The following MIS18A variants were observed in gnomAD, a reference collection of about 807,000 sequenced individuals.
MIS18A encodes the protein MIS18 kinetochore protein A.
Under a neutral mutation model 25.0 loss-of-function variants are expected in MIS18A, and 14 were observed. The observed-to-expected ratio is 0.56, with a 90% CI of 0.37 to 0.88. The LOEUF (loss-of-function observed/expected upper bound fraction) is 0.88, where lower values mean the gene tolerates loss of function less well. MIS18A is among the 40% of genes least tolerant of loss of function. The pLI, the probability that MIS18A is intolerant of heterozygous loss-of-function variation, is 0.00. For synonymous variants in MIS18A, 134 were observed against 118.6 expected, an observed-to-expected ratio of 1.13 and a Z score of -0.84; for missense variants, 292 against 290.8, an observed-to-expected ratio of 1.00 and a Z score of -0.03.
chr21:32,226,324 T>C, the MIS18A span, among the ~76,000 whole-genome samples: 1 of 152,110 alleles, frequency 6.6e-6, no homozygotes, highest in South Asian at 2.1e-4. Context: ...AAATGCATTT[T>C]TTAATGCTCA....
intron 3 of MIS18A, 97 bp downstream of exon 3, chr21:32,270,310 A>C: frequency 7.1e-7 from 1 of 1,404,006 alleles, no homozygotes; most frequent in Non-Finnish European, 9.6e-7. Context: ...ACTTGAAAAT[A>C]TATTTAACCA....
At chr21:32,158,353 CT>C in the MIS18A span, among the ~76,000 whole-genome samples, 1 of 151,868 alleles carries the variant, frequency 6.6e-6, no homozygotes, top group Non-Finnish European at 1.5e-5. Context: ...AATTTTTAAA[CT>C]TTTTGCATTG....
the MIS18A span, among the ~76,000 whole-genome samples, chr21:32,163,004 T>C: frequency 6.6e-6 from 1 of 152,200 alleles, no homozygotes; most frequent in Non-Finnish European, 1.5e-5. Context: ...CAGAGCCTCT[T>C]CTGTCATTTC....
In MIS18A at chr21:32,268,704, A is replaced by G. The variant is rs1438706826; in HGVS notation, c.*333T>C. ...AAACTCCTAAGTCCCAATTCCAACA[A>G]GTACCATAAAACGTCTTTAAAATGC... On this transcript the variant is annotated 3_prime_UTR_variant, in exon 5 of 5. Coordinates refer to ENST00000290130, the MANE Select transcript of MIS18A (RefSeq NM_018944.3). 1.1e-5 allele frequency: 2 copies of G among 177,904 alleles called. No homozygotes were observed. Among genetic ancestry groups the G allele is most frequent in the Non-Finnish European group, 2.3e-5 (2 of 85,336 alleles). 11.0% of individuals were successfully genotyped at this position (177,904 alleles called of 1,614,324 possible).
chr21:32,252,227 AAGAAGAAGAAGAAGGAGGAGGAGG>A, the MIS18A span, among the ~76,000 whole-genome samples: 1,417 of 106,990 alleles, frequency 0.013, 13 homozygotes, highest in South Asian at 0.018. Flanking sequence ...GAAGAAGAAG[AAGAAGAAGAAGAAGGAGGAGGAGG>A]AGGAGGAGGA....
the MIS18A span, among the ~76,000 whole-genome samples, chr21:32,252,236 AAGAAGG>A: frequency 4.2e-3 from 153 of 36,784 alleles, no homozygotes; most frequent in East Asian, 7.1e-3. Context: ...GAAGAAGAAG[AAGAAGG>A]AGGAGGAGGA....
At chr21:32,169,123 TG>T in the MIS18A span, among the ~76,000 whole-genome samples, 3 of 152,250 alleles carry the variant, frequency 2.0e-5, no homozygotes, top group African/African-American at 7.2e-5. Flanking sequence ...ACAATCTTTG[TG>T]GTTTTTTAAC....
At chr21:32,255,742 T>A in the MIS18A span, among the ~76,000 whole-genome samples, 1 of 151,486 alleles carries the variant, frequency 6.6e-6, no homozygotes, top group Admixed American at 6.6e-5. Flanking sequence ...ACAGAAAAAA[T>A]TAGCCAGGCG....
the MIS18A span, among the ~76,000 whole-genome samples, chr21:32,221,636 T>C: frequency 6.6e-6 from 1 of 151,310 alleles, no homozygotes; most frequent in Non-Finnish European, 1.5e-5. Flanking sequence ...TCCCAGCATT[T>C]TGGGAGGCCG....
the MIS18A span, among the ~76,000 whole-genome samples, chr21:32,218,190 C>T: frequency 1.2e-4 from 9 of 75,944 alleles, no homozygotes; most frequent in Non-Finnish European, 1.8e-4. Flanking sequence ...GAGACTCCAT[C>T]TCAAAAAAAA....
the MIS18A span, among the ~76,000 whole-genome samples, chr21:32,237,268 G>T: frequency 6.6e-6 from 1 of 152,232 alleles, no homozygotes; most frequent in African/African-American, 2.4e-5. Context: ...GCCTGAGAGG[G>T]TCATGCAGCA....
the MIS18A span, among the ~76,000 whole-genome samples, chr21:32,171,648 T>A: frequency 6.6e-6 from 1 of 152,016 alleles, no homozygotes; most frequent in Non-Finnish European, 1.5e-5. Flanking sequence ...GTAGGCAATT[T>A]TAATACAATT....
the MIS18A span, among the ~76,000 whole-genome samples, chr21:32,241,193 G>A: frequency 6.6e-6 from 1 of 152,152 alleles, no homozygotes; most frequent in Admixed American, 6.5e-5. Context: ...TGTCATGACT[G>A]AAAACTAAAC....
chr21:32,273,144 G>A (rs2031745198), intron 2 of MIS18A, among the ~76,000 whole-genome samples: 1 of 146,516 alleles, frequency 6.8e-6, no homozygotes, highest in Non-Finnish European at 1.5e-5. Flanking sequence ...TTTTATGGAA[G>A]AGATACATAG....
the MIS18A span, among the ~76,000 whole-genome samples, chr21:32,190,872 G>A: frequency 5.3e-5 from 8 of 152,174 alleles, no homozygotes; most frequent in Non-Finnish European, 8.8e-5. Flanking sequence ...TGGACACTTC[G>A]ATGTATGTCT....
At chr21:32,270,584 A>T in intron 2 of MIS18A, 55 bp from the exon 3 acceptor site, 1 of 1,468,176 alleles carries the variant, frequency 6.8e-7, no homozygotes, top group Non-Finnish European at 9.0e-7. Flanking sequence ...CATTATAATA[A>T]AAATCTCACT....
the MIS18A span, among the ~76,000 whole-genome samples, chr21:32,228,786 G>C: frequency 1.3e-5 from 2 of 152,054 alleles, no homozygotes; most frequent in African/African-American, 4.8e-5. Flanking sequence ...AAATGCTTAG[G>C]AGTAAATTTA....
At chr21:32,186,015 G>A in the MIS18A span, among the ~76,000 whole-genome samples, 1 of 151,322 alleles carries the variant, frequency 6.6e-6, no homozygotes, top group Non-Finnish European at 1.5e-5. Context: ...ACCTGCCCAG[G>A]GTCTTGCTCA....
At chr21:32,252,227 AAGAAGAAGAAGAAGGAGG>A in the MIS18A span, among the ~76,000 whole-genome samples, 2,175 of 106,794 alleles carry the variant, frequency 0.02, 56 homozygotes, top group African/African-American at 0.069. Context: ...GAAGAAGAAG[AAGAAGAAGAAGAAGGAGG>A]AGGAGGAGGA....
Sources: allele counts gnomAD v4.1 joint callset (sites outside exome capture counted in the v4.1 genomes callset), GRCh38; gene constraint gnomAD v4.1.1; transcripts MANE v1.5; gene names NCBI Gene and HGNC (gene_info 2026-07-23, HGNC 2026-07-21).